KALRN: variants seen among roughly 807,000 people sequenced by gnomAD.
KALRN encodes kalirin.
In KALRN, 70 loss-of-function variants were observed where a neutral mutation model predicts 353.7. The ratio of observed to expected loss-of-function variants is 0.20; its 90% CI spans 0.16 to 0.24. The LOEUF (loss-of-function observed/expected upper bound fraction) is 0.24, where lower values mean the gene tolerates loss of function less well. Ranked by LOEUF, KALRN falls within the 10% of genes least tolerant of loss-of-function variation. The pLI is 1.00. For missense variants in KALRN, 2,791 were observed against 3,756.7 expected (o/e 0.74, Z 6.72); for synonymous variants, 1,391 against 1,434.8 (o/e 0.97, Z 0.69).
chr3:124,653,615 T>C (rs2083655003), intron 38 of KALRN, among the ~76,000 whole-genome samples: 1 of 152,176 alleles, frequency 6.6e-6, no homozygotes, highest in Admixed American at 6.5e-5. Context: ...GGAGGTAAAT[T>C]AGCCATGGAG....
intron 34 of KALRN, chr3:124,584,913 G>A (rs2074991246): frequency 2.5e-5 from 40 of 1,593,602 alleles, no homozygotes; most frequent in Non-Finnish European, 3.3e-5. Flanking sequence ...AGAGGTGAGT[G>A]GCTGTCGGCG....
chr3:124,210,892 T>G (rs1283082117), intron 1 of KALRN, among the ~76,000 whole-genome samples: 26 of 152,250 alleles, frequency 1.7e-4, no homozygotes, highest in Admixed American at 1.6e-3. Flanking sequence ...ATTCTAAAAT[T>G]TTAGAGTTGA....
chr3:124,642,765 GTTC>G (rs1427550196), intron 37 of KALRN, among the ~76,000 whole-genome samples: 2 of 144,162 alleles, frequency 1.4e-5, no homozygotes, highest in African/African-American at 5.2e-5. Flanking sequence ...CAGGGACTGG[GTTC>G]TTCTAGCATG....
chr3:124,339,659 T>G (rs2081487123), intron 9 of KALRN, among the ~76,000 whole-genome samples: 1 of 152,180 alleles, frequency 6.6e-6, no homozygotes, highest in Non-Finnish European at 1.5e-5. Flanking sequence ...CTCTTCACAC[T>G]GTGTGTACTT....
intron 1 of KALRN, among the ~76,000 whole-genome samples, chr3:124,037,922 G>A (rs576943623): frequency 1.3e-5 from 2 of 152,088 alleles, no homozygotes; most frequent in Non-Finnish European, 2.9e-5. Flanking sequence ...ATGAAGCATG[G>A]GGGGGGCGAC....
intron 9 of KALRN, among the ~76,000 whole-genome samples, chr3:124,340,085 C>A (rs765024066): frequency 9.2e-5 from 14 of 152,268 alleles, no homozygotes; most frequent in Admixed American, 8.5e-4. Context: ...ATCAAATGAA[C>A]CCCCTGTTTA....
At chr3:124,264,039 A>C (rs1306488113) in intron 3 of KALRN, among the ~76,000 whole-genome samples, 1 of 150,542 alleles carries the variant, frequency 6.6e-6, no homozygotes. Flanking sequence ...TGGAACCAGA[A>C]ATGTTTTGGA....
At chr3:124,240,260 G>A (rs976436643) in intron 3 of KALRN, among the ~76,000 whole-genome samples, 1 of 152,180 alleles carries the variant, frequency 6.6e-6, no homozygotes, top group Non-Finnish European at 1.5e-5. Flanking sequence ...AAAGGATGAA[G>A]AGGCATCTTA....
intron 8 of KALRN, 101 bp downstream of exon 8, chr3:124,330,093 TAAG>T (rs1385478777): frequency 1.0e-5 from 13 of 1,246,720 alleles, no homozygotes; most frequent in South Asian, 6.9e-5. Context: ...TGGGTGGGAC[TAAG>T]AAGAAGAGGC....
At chr3:124,562,615 C>CGG in intron 33 of KALRN, 1 of 351,148 alleles carries the variant, frequency 2.8e-6, no homozygotes, top group Non-Finnish European at 5.6e-6. Context: ...TTGAATAGCA[C>CGG]TGTGCTAATT....
rs148718925 is a variant in KALRN, at chr3:124,036,436, T to G, written c.73+2623T>G. 9.5e-4 allele frequency among the ~76,000 whole-genome samples: 144 copies of G among 152,038 alleles called. 1 individual carries two copies. The highest frequency in any genetic ancestry group is 3.1e-3 in the African/African-American group (130 of 41,450). ...GCTGCATAGTATTCCATGATGTACA[T>G]GTACCACATTTTCTTTATCTAGTCT... On this transcript the variant is annotated intron_variant, in intron 1 of 59. Transcript: ENST00000682506.
intron 1 of KALRN, among the ~76,000 whole-genome samples, chr3:124,175,379 GC>G (rs2072537302): frequency 6.9e-6 from 1 of 145,614 alleles, no homozygotes; most frequent in African/African-American, 2.7e-5. Context: ...GGAGATGTGC[GC>G]TGCGAAGTGT....
chr3:124,591,102 G>A (rs1416296842), intron 34 of KALRN, among the ~76,000 whole-genome samples: 1 of 152,072 alleles, frequency 6.6e-6, no homozygotes, highest in Non-Finnish European at 1.5e-5. Flanking sequence ...GGAGCCATTT[G>A]GAATTAAATG....
intron 1 of KALRN, among the ~76,000 whole-genome samples, chr3:124,112,267 C>T (rs1199702136): frequency 3.5e-5 from 5 of 144,602 alleles, no homozygotes; most frequent in African/African-American, 1.3e-4. Flanking sequence ...CATGCCACTG[C>T]ACTCTAGCCT....
intron 28 of KALRN, among the ~76,000 whole-genome samples, chr3:124,485,138 T>A (rs1280322117): frequency 1.3e-5 from 2 of 152,224 alleles, no homozygotes; most frequent in Non-Finnish European, 2.9e-5. Context: ...ATTATTTTTC[T>A]TGTGCTAACA....
At chr3:124,664,652 G>A (rs140218946) in intron 45 of KALRN, among the ~76,000 whole-genome samples, 1 of 152,088 alleles carries the variant, frequency 6.6e-6, no homozygotes, top group Non-Finnish European at 1.5e-5. Context: ...CTGGTGATCC[G>A]CCGGCCTTGG....
intron 1 of KALRN, among the ~76,000 whole-genome samples, chr3:124,042,864 A>T (rs1169074601): frequency 6.6e-6 from 1 of 152,198 alleles, no homozygotes; most frequent in Non-Finnish European, 1.5e-5. Flanking sequence ...TAGATTTGGG[A>T]GCTATCTGAA....
At chr3:124,112,992 T>C (rs2063129663) in intron 1 of KALRN, among the ~76,000 whole-genome samples, 4 of 152,208 alleles carry the variant, frequency 2.6e-5, no homozygotes, top group Admixed American at 2.6e-4. Context: ...TGTTGATTTA[T>C]GTACCAGACT....
At chr3:124,545,287 T>C (rs2069504148) in intron 33 of KALRN, among the ~76,000 whole-genome samples, 1 of 152,252 alleles carries the variant, frequency 6.6e-6, no homozygotes, top group African/African-American at 2.4e-5. Context: ...AGGTCTCTTA[T>C]GTTCTTCCTC....
Sources: gnomAD v4.1 joint callset for allele counts (sites outside exome capture counted in the v4.1 genomes callset) on GRCh38, gnomAD v4.1.1 for gene constraint, MANE v1.5 for transcripts, NCBI Gene and HGNC (gene_info 2026-07-23, HGNC 2026-07-21) for gene names.